ACBD4: variants seen among roughly 807,000 people sequenced by gnomAD.
ACBD4 encodes the protein acyl-CoA-binding domain-containing protein 4.
Under a neutral mutation model 46.0 loss-of-function variants are expected in ACBD4, and 41 were observed. The observed-to-expected ratio is 0.89, with a 90% CI of 0.69 to 1.16. ACBD4 has a LOEUF of 1.16. Among genes scored for constraint, ACBD4 ranks in the 50% most tolerant of loss-of-function variants. The pLI is 0.00. For synonymous variants in ACBD4, 162 were observed against 155.9 expected (o/e 1.04, Z -0.29); for missense variants, 393 against 399.5 (o/e 0.98, Z 0.14).
In ACBD4 at chr17:45,137,903, A is replaced by G. The variant is rs756264985; in HGVS notation, c.574-10A>G. 1.9e-6 allele frequency: 3 copies of G among 1,609,748 alleles called. No individual in the cohort carries two copies. In the African/African-American group the frequency reaches 4.1e-5, roughly 22 times the overall value. On this transcript the variant is annotated splice_polypyrimidine_tract_variant and intron_variant, in intron 7 of 9. Coordinates refer to ENST00000321854, the MANE Select transcript of ACBD4 (RefSeq NM_001135705.3). ...ACTCCCACCCTCAGCTCTCTGACTC[A>G]TCTCAGCAGGTTTGGACAGAGCAGC...
upstream of ACBD4, among the ~76,000 whole-genome samples, chr17:45,134,300 G>A (rs1365057632): frequency 6.6e-6 from 1 of 151,734 alleles, no homozygotes; most frequent in African/African-American, 2.4e-5. Context: ...ACCACTTCCC[G>A]CCCAGTTATT....
In ACBD4 at chr17:45,137,395, ATGT is replaced by A. The variant is rs751078601; in HGVS notation, c.446_448del (p.Val149del). On this transcript the variant is annotated inframe_deletion, in exon 6 of 10. Coordinates refer to ENST00000321854, the MANE Select transcript of ACBD4 (RefSeq NM_001135705.3). ...TGGAAAGAGCAGGTTGTGAATGGAG[ATGT>A]TGGGGCTGTTTCAGAGCCTCCCTGC... 9 of 1,613,662 alleles carry A rather than the reference ATGT, an allele frequency of 5.6e-6. No homozygotes were observed. In the East Asian group the frequency reaches 2.0e-4, roughly 36 times the overall value.
intron 8 of ACBD4, chr17:45,138,301 T>C (rs1225249978): frequency 4.0e-6 from 2 of 498,488 alleles, no homozygotes; most frequent in East Asian, 7.1e-5. Context: ...AAGTCATCCA[T>C]ATTCTCTGGA....
At chr17:45,132,439 G>C, upstream of ACBD4, 1 of 1,184,644 alleles carries the variant, frequency 8.4e-7, no homozygotes, top group Non-Finnish European at 1.0e-6. This position sits in a 1 kb window ranked among gnomAD's most constrained non-coding sequence, Gnocchi z 4.6. Context: ...GGCCGGGCCC[G>C]GGGTCTGCAC....
intron 9 of ACBD4, among the ~76,000 whole-genome samples, chr17:45,140,642 T>C (rs1205693251): frequency 1.4e-5 from 2 of 138,620 alleles, no homozygotes; most frequent in Non-Finnish European, 1.5e-5. Flanking sequence ...CTAGGCAACA[T>C]AGCAAGATCC....
chr17:45,140,294 C>T (rs184554468), intron 9 of ACBD4, among the ~76,000 whole-genome samples: 1 of 151,482 alleles, frequency 6.6e-6, no homozygotes, highest in African/African-American at 2.4e-5. Context: ...AGTGATTCTC[C>T]TGCCTCAGCC....
At chr17:45,135,154 T>G (rs6503424), upstream of ACBD4, among the ~76,000 whole-genome samples, 2 of 151,894 alleles carry the variant, frequency 1.3e-5, no homozygotes, top group African/African-American at 2.4e-5. Context: ...TTAGTAGAGA[T>G]GGGGTTTCAC....
At chr17:45,132,064 C>A (rs2143619421), upstream of ACBD4, among the ~76,000 whole-genome samples, 1 of 152,302 alleles carries the variant, frequency 6.6e-6, no homozygotes, top group Non-Finnish European at 1.5e-5. The surrounding 1 kb of genome is among the most constrained non-coding windows in gnomAD (Gnocchi z 4.6). Flanking sequence ...GCCCGGCTCG[C>A]CCCGGGACCC....
chr17:45,136,532 C>A lies in ACBD4; in HGVS notation c.121C>A (p.Arg41=). The part of the protein sequence containing the change: ...SYRPSYEEML[R]FYSYYKQATM... ...CCGCCCCTCCTATGAAGAGATGCTGCGATTCTACAGTTACTACAAGCAGGC... is the reference window on the plus strand; with the variant it reads ...CCGCCCCTCCTATGAAGAGATGCTGAGATTCTACAGTTACTACAAGCAGGC... The change falls in exon 3 of 10, where the codon CGA becomes AGA. Residue 41 remains arginine (R), a synonymous_variant. Transcript: ENST00000321854. The A allele has an allele frequency of 6.2e-7, 1 of 1,613,742 alleles. No individual in the cohort carries two copies. The highest frequency in any genetic ancestry group is 8.5e-7 in the Non-Finnish European group (1 of 1,179,882).
chr17:45,143,163 C>T (rs1248632968), intron 9 of ACBD4, among the ~76,000 whole-genome samples: 2 of 152,170 alleles, frequency 1.3e-5, no homozygotes, highest in Non-Finnish European at 2.9e-5. Flanking sequence ...CAGGTCATAC[C>T]AAGGGTCATT....
upstream of ACBD4, chr17:45,133,143 A>AC (rs2143651615): frequency 6.6e-6 from 1 of 152,320 alleles, no homozygotes; most frequent in Admixed American, 6.5e-5. Flanking sequence ...CGAGGCTTGG[A>AC]CAGGCCGGCA....
intron 2 of ACBD4, 55 bp downstream of exon 2, chr17:45,136,287 C>A: frequency 6.2e-7 from 1 of 1,600,186 alleles, no homozygotes; most frequent in South Asian, 1.1e-5. Context: ...TGGGGTCTGA[C>A]TCTGAAGAAA....
At chr17:45,140,225 C>T (rs2055181831) in intron 9 of ACBD4, among the ~76,000 whole-genome samples, 1 of 151,242 alleles carries the variant, frequency 6.6e-6, no homozygotes, top group South Asian at 2.1e-4. Context: ...GCTCTGTCGC[C>T]CAGGCTGAAG....
At chr17:45,143,304 A>T in intron 9 of ACBD4, 139 bp from the exon 10 acceptor site, 1 of 707,022 alleles carries the variant, frequency 1.4e-6, no homozygotes, top group Non-Finnish European at 2.3e-6. Context: ...TGTCAGGACC[A>T]CCTGGGGGCC....
chr17:45,142,389 C>CAAAAAAAAAAAAAAAAAAAAAAAAA (rs1161132274), intron 9 of ACBD4, among the ~76,000 whole-genome samples: 4 of 28,574 alleles, frequency 1.4e-4, no homozygotes, highest in Non-Finnish European at 1.7e-4. Flanking sequence ...CAAGACTCCT[C>CAAAAAAAAAAAAAAAAAAAAAAAAA]AAAAAAAAAA....
upstream of ACBD4, chr17:45,132,742 T>TG (rs2054503997): frequency 5.9e-6 from 1 of 169,594 alleles, no homozygotes. The surrounding 1 kb of genome is among the most constrained non-coding windows in gnomAD (Gnocchi z 4.6). Flanking sequence ...GCTGCGGGGC[T>TG]GGGGGTGGGA....
chr17:45,132,595 C>T (rs866456198), upstream of ACBD4: 1 of 238,830 alleles, frequency 4.2e-6, no homozygotes, highest in Non-Finnish European at 7.8e-6. The surrounding 1 kb of genome is among the most constrained non-coding windows in gnomAD (Gnocchi z 4.6). Flanking sequence ...GGGGGCGGGG[C>T]CGGGGCGGTG....
chr17:45,132,424 G>A (rs1342895072), upstream of ACBD4: 73 of 1,202,840 alleles, frequency 6.1e-5, no homozygotes, highest in Non-Finnish European at 7.3e-5. The surrounding 1 kb of genome is among the most constrained non-coding windows in gnomAD (Gnocchi z 4.6). Flanking sequence ...TTGGCGGGGG[G>A]CCGGGGCCGG....
chr17:45,142,793 G>GTGACCA (rs2055375732), intron 9 of ACBD4: 1 of 154,088 alleles, frequency 6.5e-6, no homozygotes, highest in Non-Finnish European at 1.5e-5. Context: ...TCCTGACCTC[G>GTGACCA]TGACCACCTG....
Sources: gnomAD v4.1 joint callset for allele counts (sites outside exome capture counted in the v4.1 genomes callset) on GRCh38, gnomAD v4.1.1 for gene constraint, Gnocchi (gnomAD v3.1) non-coding constraint, MANE v1.5 for transcripts, NCBI Gene and HGNC (gene_info 2026-07-23, HGNC 2026-07-21) for gene names.